PTPRD: variants seen among roughly 807,000 people sequenced by gnomAD.
PTPRD encodes receptor-type tyrosine-protein phosphatase delta.
A neutral mutation model predicts 214.5 loss-of-function variants in PTPRD; 34 were observed. The observed-to-expected ratio is 0.16, with a 90% CI of 0.12 to 0.21. The LOEUF (loss-of-function observed/expected upper bound fraction) is 0.21, where lower values mean the gene tolerates loss of function less well. Among genes scored for constraint, PTPRD ranks in the 10% least tolerant of loss-of-function variants. The probability of loss-of-function intolerance (pLI) is 1.00; values close to 1 mark genes in which losing one functional copy is unlikely to be tolerated. For missense variants in PTPRD, 2,545 were observed against 2,398.7 expected, an observed-to-expected ratio of 1.06 and a Z score of -1.27; for synonymous variants, 1,128 against 845.7, an observed-to-expected ratio of 1.33 and a Z score of -5.79.
chr9:9,430,117 T>C (rs1439189354), intron 8 of PTPRD, among the ~76,000 whole-genome samples: 1 of 152,190 alleles, frequency 6.6e-6, no homozygotes, highest in East Asian at 1.9e-4. Flanking sequence ...AAACTGTCCC[T>C]GTTTGCAGAT....
At chr9:9,451,167 G>A (rs749915264) in intron 8 of PTPRD, among the ~76,000 whole-genome samples, 1 of 151,530 alleles carries the variant, frequency 6.6e-6, no homozygotes, top group Non-Finnish European at 1.5e-5. Flanking sequence ...TTTATATAAG[G>A]TGCAATACAC....
chr9:10,071,790 G>GA (rs964751430), intron 3 of PTPRD, among the ~76,000 whole-genome samples: 106 of 150,902 alleles, frequency 7.0e-4, no homozygotes, highest in African/African-American at 1.0e-3. Flanking sequence ...TAGTTTCAGG[G>GA]AAAAAAAACA....
intron 5 of PTPRD, among the ~76,000 whole-genome samples, chr9:9,823,639 A>G (rs1428185484): frequency 1.3e-5 from 2 of 152,132 alleles, no homozygotes; most frequent in Non-Finnish European, 2.9e-5. Flanking sequence ...CAGAAAGACA[A>G]ATATCACATG....
rs377766065 is a variant in PTPRD at position 8,994,693 on chromosome 9, A to C, written c.-104+24004T>G. On this transcript the variant is annotated intron_variant, in intron 11 of 45. Transcript: ENST00000381196. ...GTGTTGTTTGTTTTTGTAATGAGTG[A>C]CACAGTGAGGGAAGGCAAGGGAAAA... 1.8e-4 allele frequency among the ~76,000 whole-genome samples: 28 copies of C among 152,004 alleles called. No homozygotes were observed. In the South Asian group the frequency reaches 5.4e-3, roughly 29 times the overall value.
intron 14 of PTPRD, among the ~76,000 whole-genome samples, chr9:8,529,180 G>A (rs1044145101): frequency 2.6e-5 from 4 of 152,092 alleles, no homozygotes; most frequent in Admixed American, 2.6e-4. Context: ...AAAGATTCGG[G>A]AATGTCACAA....
chr9:10,293,871 T>G (rs1048669065), intron 3 of PTPRD, among the ~76,000 whole-genome samples: 2 of 151,948 alleles, frequency 1.3e-5, no homozygotes, highest in Non-Finnish European at 2.9e-5. Context: ...TGTTGAAATG[T>G]TCTTAAGAAC....
chr9:9,945,433 A>C (rs2092410712), intron 4 of PTPRD, among the ~76,000 whole-genome samples: 2 of 152,168 alleles, frequency 1.3e-5, no homozygotes, highest in South Asian at 4.1e-4. Context: ...TGGTGATATG[A>C]AGATAAAAAT....
At chr9:9,453,332 A>G (rs1446424165) in intron 8 of PTPRD, among the ~76,000 whole-genome samples, 4 of 147,966 alleles carry the variant, frequency 2.7e-5, no homozygotes, top group African/African-American at 5.3e-5. Context: ...GCAAATATTA[A>G]AAGTAAAACA....
chr9:9,719,848 G>T (rs557450539), intron 7 of PTPRD, among the ~76,000 whole-genome samples: 6 of 152,180 alleles, frequency 3.9e-5, no homozygotes, highest in Non-Finnish European at 8.8e-5. Flanking sequence ...GAAGCCTCTT[G>T]CAGTACACCT....
intron 9 of PTPRD, among the ~76,000 whole-genome samples, chr9:9,249,368 A>G (rs1258133200): frequency 1.3e-5 from 2 of 152,030 alleles, no homozygotes; most frequent in Non-Finnish European, 2.9e-5. Context: ...TTCTTTATAA[A>G]TTACCCAGCC....
intron 14 of PTPRD, among the ~76,000 whole-genome samples, chr9:8,559,568 T>C (rs2085336470): frequency 6.6e-6 from 1 of 152,184 alleles, no homozygotes; most frequent in Non-Finnish European, 1.5e-5. Context: ...GACAAAGTAA[T>C]AAATTTCAGT....
chr9:9,571,227 T>C (rs938338061), intron 8 of PTPRD, among the ~76,000 whole-genome samples: 1 of 151,492 alleles, frequency 6.6e-6, no homozygotes, highest in Non-Finnish European at 1.5e-5. Flanking sequence ...CTGATTTTTA[T>C]ACCATCCTTT....
intron 9 of PTPRD, among the ~76,000 whole-genome samples, chr9:9,341,943 G>C (rs956461922): frequency 6.6e-6 from 1 of 151,976 alleles, no homozygotes; most frequent in African/African-American, 2.4e-5. Context: ...CCAGTAGCTG[G>C]GATTACAGGC....
At chr9:9,089,766 AAAAT>A (rs2099772911) in intron 10 of PTPRD, among the ~76,000 whole-genome samples, 1 of 152,284 alleles carries the variant, frequency 6.6e-6, no homozygotes, top group Non-Finnish European at 1.5e-5. Context: ...AGGGCTGGGG[AAAAT>A]AGTTTTGTGA....
intron 5 of PTPRD, among the ~76,000 whole-genome samples, chr9:9,797,076 T>C (rs1168999076): frequency 6.6e-6 from 1 of 152,076 alleles, no homozygotes; most frequent in Admixed American, 6.6e-5. Flanking sequence ...GGTCACACAC[T>C]GTACTTTAAA....
intron 22 of PTPRD, 51 bp from the exon 23 acceptor site, chr9:8,504,456 C>A: frequency 6.3e-7 from 1 of 1,597,890 alleles, no homozygotes; most frequent in Non-Finnish European, 8.6e-7. Flanking sequence ...CATGCAAATA[C>A]TTTTTAATCA....
intron 3 of PTPRD, among the ~76,000 whole-genome samples, chr9:10,181,726 T>C (rs2099289926): frequency 6.6e-6 from 1 of 151,086 alleles, no homozygotes. Context: ...TATGGCAAGG[T>C]GAACTGTTAG....
intron 9 of PTPRD, among the ~76,000 whole-genome samples, chr9:9,293,511 T>A (rs527245989): frequency 1.3e-5 from 2 of 151,608 alleles, no homozygotes; most frequent in Non-Finnish European, 3.0e-5. Flanking sequence ...AAGGAGATTA[T>A]TATTATTATT....
At chr9:9,844,307 A>G (rs1464691726) in intron 5 of PTPRD, among the ~76,000 whole-genome samples, 1 of 152,016 alleles carries the variant, frequency 6.6e-6, no homozygotes, top group Non-Finnish European at 1.5e-5. Flanking sequence ...TTAGATCATA[A>G]TGCCACTAGA....
Sources: allele counts gnomAD v4.1 joint callset (sites outside exome capture counted in the v4.1 genomes callset), GRCh38; gene constraint gnomAD v4.1.1; transcripts MANE v1.5; gene names NCBI Gene and HGNC (gene_info 2026-07-23, HGNC 2026-07-21).